The following AOPEP variants were observed in gnomAD, a reference collection of about 807,000 sequenced individuals.
AOPEP encodes aminopeptidase O.
AOPEP carries 77 observed loss-of-function variants against 98.1 expected under a neutral mutation model. The ratio of observed to expected loss-of-function variants is 0.78; its 90% CI spans 0.65 to 0.95. AOPEP has a LOEUF of 0.95. Ranked by LOEUF, AOPEP falls within the 40% of genes least tolerant of loss-of-function variation. The pLI is 0.00. For missense variants in AOPEP, 1,024 were observed against 1,024.7 expected, an observed-to-expected ratio of 1.00 and a Z score of 0.01; for synonymous variants, 346 against 365.3, an observed-to-expected ratio of 0.95 and a Z score of 0.60.
chr9:94,856,701 C>T (rs2044264212), intron 5 of AOPEP, among the ~76,000 whole-genome samples: 1 of 149,582 alleles, frequency 6.7e-6, no homozygotes, highest in Non-Finnish European at 1.5e-5. Flanking sequence ...GTGTAAATGT[C>T]GTATTACAAA....
chr9:95,024,062 C>G (rs997016219), intron 13 of AOPEP, among the ~76,000 whole-genome samples: 3 of 152,174 alleles, frequency 2.0e-5, no homozygotes, highest in African/African-American at 7.2e-5. Context: ...TCCACATGCC[C>G]TGTAAATTAT....
chr9:94,807,912 A>G (rs1175826133), intron 5 of AOPEP, among the ~76,000 whole-genome samples: 1 of 152,246 alleles, frequency 6.6e-6, no homozygotes, highest in East Asian at 1.9e-4. Context: ...AATATTGCCA[A>G]GATGCAGCTG....
chr9:95,110,344 A>G, the AOPEP span: 2 of 1,018,868 alleles, frequency 2.0e-6, no homozygotes, highest in Non-Finnish European at 2.4e-6. Flanking sequence ...AGAATCAAAT[A>G]AGACAGAATA....
At chr9:95,097,367 A>G in the AOPEP span, among the ~76,000 whole-genome samples, 1 of 152,228 alleles carries the variant, frequency 6.6e-6, no homozygotes, top group Admixed American at 6.5e-5. Context: ...CAATAACGTT[A>G]AAGAAGCTGA....
At chr9:94,803,556 G>A (rs572939925) in intron 5 of AOPEP, among the ~76,000 whole-genome samples, 1 of 152,116 alleles carries the variant, frequency 6.6e-6, no homozygotes, top group South Asian at 2.1e-4. Flanking sequence ...AGTGAAGTGA[G>A]GAAAAACACA....
chr9:94,826,159 C>T (rs1299549107), intron 5 of AOPEP, among the ~76,000 whole-genome samples: 1 of 152,034 alleles, frequency 6.6e-6, no homozygotes, highest in East Asian at 1.9e-4. Flanking sequence ...CAGAACATGC[C>T]CTCCTTGTTC....
chr9:94,921,918 A>T (rs1310124809), intron 5 of AOPEP, among the ~76,000 whole-genome samples: 1 of 152,092 alleles, frequency 6.6e-6, no homozygotes, highest in African/African-American at 2.4e-5. Context: ...TTTACCCCCG[A>T]CTCAGAAGAA....
chr9:95,009,757 C>CTAT (rs1406240516), intron 13 of AOPEP, among the ~76,000 whole-genome samples: 1 of 152,108 alleles, frequency 6.6e-6, no homozygotes, highest in African/African-American at 2.4e-5. Flanking sequence ...ACCCAAAAAA[C>CTAT]AATACTCTTG....
At chr9:95,013,406 CTTT>C (rs11453647) in intron 13 of AOPEP, among the ~76,000 whole-genome samples, 1 of 140,432 alleles carries the variant, frequency 7.1e-6, no homozygotes, top group African/African-American at 2.6e-5. Context: ...AAATATTATC[CTTT>C]TTTTTTTTTT....
At chr9:94,959,803 G>A (rs1230538977) in intron 9 of AOPEP, among the ~76,000 whole-genome samples, 1 of 152,044 alleles carries the variant, frequency 6.6e-6, no homozygotes, top group Non-Finnish European at 1.5e-5. Context: ...GTGTATGTAT[G>A]TATATATGGC....
At chr9:94,829,212 ACG>A (rs1855383257) in intron 5 of AOPEP, among the ~76,000 whole-genome samples, 1 of 151,870 alleles carries the variant, frequency 6.6e-6, no homozygotes, top group African/African-American at 2.4e-5. Context: ...ACACACACAC[ACG>A]CACACGCACA....
At chr9:95,119,355 TCTTC>T in the AOPEP span, among the ~76,000 whole-genome samples, 5 of 122,392 alleles carry the variant, frequency 4.1e-5, no homozygotes, top group Admixed American at 3.0e-4. Context: ...GTTCCTTCTT[TCTTC>T]CTTTTCTTTT....
intron 11 of AOPEP, among the ~76,000 whole-genome samples, chr9:94,987,045 G>C (rs1446931714): frequency 6.6e-6 from 1 of 152,254 alleles, no homozygotes; most frequent in Non-Finnish European, 1.5e-5. Flanking sequence ...TCCAGGATCT[G>C]AAATCAGACC....
At chr9:95,002,890 G>A (rs1005785346) in intron 11 of AOPEP, among the ~76,000 whole-genome samples, 1 of 152,216 alleles carries the variant, frequency 6.6e-6, no homozygotes, top group Non-Finnish European at 1.5e-5. Flanking sequence ...AGAGTTGGGG[G>A]ACAAAGGACA....
At position 94,932,284 on chromosome 9, in the gene AOPEP, G is replaced by A. The variant is rs1296452260; in HGVS notation, c.1661+3753G>A. 3 of 984,084 alleles carry A rather than the reference G, an allele frequency of 3.0e-6. No individual in the cohort carries two copies. In the African/African-American group the frequency reaches 5.3e-5, roughly 17 times the overall value. 61.0% of individuals were successfully genotyped at this position (984,084 alleles called of 1,614,324 possible). A position where few individuals can be genotyped will look rare whatever the true frequency, so the allele number is the denominator to read the frequency against. On this transcript the variant is annotated intron_variant, in intron 7 of 16. Coordinates refer to ENST00000375315, the MANE Select transcript of AOPEP (RefSeq NM_001193329.3). ...GTCTTATTATTTTAAAAGACATTGA[G>A]AAAAAGGAACATTCAACATTCTCTT...
chr9:95,081,825 C>T (rs1255010940), intron 15 of AOPEP, among the ~76,000 whole-genome samples: 3 of 152,176 alleles, frequency 2.0e-5, no homozygotes, highest in South Asian at 4.1e-4. Flanking sequence ...TTTGCTCTTG[C>T]GATGTCTTTG....
intron 5 of AOPEP, among the ~76,000 whole-genome samples, chr9:94,862,073 A>G (rs1197527154): frequency 6.6e-6 from 1 of 152,212 alleles, no homozygotes; most frequent in Non-Finnish European, 1.5e-5. Context: ...GGAAGCAATG[A>G]CCAGTCATTC....
chr9:94,931,686 C>T (rs1303733264), intron 7 of AOPEP: 7 of 1,407,186 alleles, frequency 5.0e-6, no homozygotes, highest in East Asian at 5.0e-5. Flanking sequence ...GCCATAACAA[C>T]GTAAAAATCT....
At chr9:94,932,774 G>T in intron 7 of AOPEP, 1 of 985,170 alleles carries the variant, frequency 1.0e-6, no homozygotes, top group Non-Finnish European at 1.2e-6. Context: ...GTGAACCACT[G>T]CGCCCAGCCC....
Sources: allele counts gnomAD v4.1 joint callset (sites outside exome capture counted in the v4.1 genomes callset), GRCh38; gene constraint gnomAD v4.1.1; transcripts MANE v1.5; gene names NCBI Gene and HGNC (gene_info 2026-07-23, HGNC 2026-07-21).